Variants in PLEKHM1 observed in about 807,000 individuals in gnomAD.
PLEKHM1 encodes the protein pleckstrin homology domain-containing family M member 1.
In PLEKHM1, 28 loss-of-function variants were observed where a neutral mutation model predicts 94.3. That is an observed-to-expected ratio of 0.30 (90% CI 0.22 to 0.41). PLEKHM1 has a LOEUF of 0.41. Ranked by LOEUF, PLEKHM1 falls within the 10% of genes least tolerant of loss-of-function variation. The pLI is 1.00. For missense variants in PLEKHM1, 907 were observed against 1,358.6 expected (o/e 0.67, Z 5.22); for synonymous variants, 424 against 581.2 (o/e 0.73, Z 3.89).
In PLEKHM1 at chr17:45,437,363, T is replaced by C. The variant is rs555039577; in HGVS notation, c.*495A>G. 13 of 454,236 alleles carry C rather than the reference T, an allele frequency of 2.9e-5. No individual in the cohort carries two copies. The highest frequency in any genetic ancestry group is 2.4e-4 in the African/African-American group (12 of 50,148). 28.1% of individuals were successfully genotyped at this position (454,236 alleles called of 1,614,324 possible). A position where few individuals can be genotyped will look rare whatever the true frequency, so the allele number is the denominator to read the frequency against. On this transcript the variant is annotated 3_prime_UTR_variant, in exon 12 of 12. Coordinates refer to ENST00000430334, the MANE Select transcript of PLEKHM1 (RefSeq NM_014798.3). This position sits in a 1 kb window ranked among gnomAD's most constrained non-coding sequence, Gnocchi z 4.0. ...TACCTCTAAGCCAGGCCTGAGTGGCTCCTGTGCATCCGCTGGGGGTGAGAA... is the reference window on the plus strand; with the variant it reads ...TACCTCTAAGCCAGGCCTGAGTGGCCCCTGTGCATCCGCTGGGGGTGAGAA...
intron 9 of PLEKHM1, among the ~76,000 whole-genome samples, chr17:45,441,689 GGAGAGGGCGCTGACCCAGGGGT>G (rs2050452665): frequency 6.6e-6 from 1 of 152,192 alleles, no homozygotes; most frequent in Admixed American, 6.5e-5. Flanking sequence ...AGGCCAGAGG[GGAGAGGGCGCTGACCCAGGGGT>G]GAGAGGCCAC....
In PLEKHM1 at chr17:45,458,325, G is replaced by A. The variant is rs554125896; in HGVS notation, c.1423C>T (p.Pro475Ser). ...ASYRGTPGSR[P>S]GLHRHFSQEP... is the part of the protein sequence containing the mutation. ...TGAGAAAAATGCCTGTGGAGACCAGGCCTTGACCCTGGAGTCCCCCTGTAA... is the reference window on the plus strand; with the variant it reads ...TGAGAAAAATGCCTGTGGAGACCAGACCTTGACCCTGGAGTCCCCCTGTAA... Residue 475 changes from proline to serine, a missense_variant, in exon 6 of 12, where the codon CCT (proline) becomes TCT (serine). By Grantham distance (74) the Pro-to-Ser change is moderately conservative. Around this residue, in one of 3 missense-constraint regions of PLEKHM1, gnomAD observed 477 missense variants for 601.5 expected, o/e 0.79. Transcript: ENST00000430334. The A allele has an allele frequency of 6.2e-7, 1 of 1,613,898 alleles. No individual in the cohort carries two copies. The highest frequency in any genetic ancestry group is 1.3e-5 in the African/African-American group (1 of 75,044).
chr17:45,460,916 G>A (rs1350580367), intron 5 of PLEKHM1, among the ~76,000 whole-genome samples: 6 of 151,894 alleles, frequency 4.0e-5, no homozygotes, highest in African/African-American at 1.2e-4. Context: ...ACAGAGTCTT[G>A]CTCTGTCGCC....
At chr17:45,490,116 G>T (rs1237454102) in intron 1 of PLEKHM1, among the ~76,000 whole-genome samples, 2 of 152,116 alleles carry the variant, frequency 1.3e-5, no homozygotes, top group Non-Finnish European at 2.9e-5. Flanking sequence ...ACCTACTTTG[G>T]GGGTGGGTCT....
chr17:45,461,894 C>G (rs1245775946), intron 5 of PLEKHM1, among the ~76,000 whole-genome samples: 4 of 152,142 alleles, frequency 2.6e-5, no homozygotes, highest in Non-Finnish European at 2.9e-5. Flanking sequence ...TTCAAGTCCT[C>G]CCTGGCATTC....
chr17:45,473,967 A>C (rs1262480055), intron 4 of PLEKHM1, among the ~76,000 whole-genome samples: 5 of 152,154 alleles, frequency 3.3e-5, no homozygotes, highest in African/African-American at 1.2e-4. Context: ...TAGAGGGAGA[A>C]CAGGAATGGG....
intron 4 of PLEKHM1, among the ~76,000 whole-genome samples, chr17:45,473,227 C>A (rs2051574299): frequency 6.6e-6 from 1 of 152,032 alleles, no homozygotes; most frequent in Non-Finnish European, 1.5e-5. Flanking sequence ...GCCCCAGCAC[C>A]CATTAAATAC....
At chr17:45,488,631 C>G (rs563017137) in intron 1 of PLEKHM1, among the ~76,000 whole-genome samples, 4 of 152,038 alleles carry the variant, frequency 2.6e-5, no homozygotes, top group African/African-American at 9.7e-5. Flanking sequence ...AGACAGTGTT[C>G]TTTGGGGCTC....
chr17:45,446,430 C>T (rs1319960174), intron 8 of PLEKHM1, among the ~76,000 whole-genome samples: 4 of 152,174 alleles, frequency 2.6e-5, no homozygotes, highest in African/African-American at 9.7e-5. Flanking sequence ...TACAACCTGC[C>T]TGCAGAACCT....
intron 1 of PLEKHM1, among the ~76,000 whole-genome samples, chr17:45,488,455 T>G (rs2052198756): frequency 6.6e-6 from 1 of 152,100 alleles, no homozygotes; most frequent in Non-Finnish European, 1.5e-5. Flanking sequence ...TGTGGGAAGT[T>G]GGGGTATACA....
intron 4 of PLEKHM1, among the ~76,000 whole-genome samples, chr17:45,470,689 C>T (rs1293353880): frequency 2.0e-5 from 3 of 150,550 alleles, no homozygotes; most frequent in East Asian, 2.0e-4. Context: ...GACTGAGTCT[C>T]ACTCTGTCGC....
In PLEKHM1 at chr17:45,458,292, T is replaced by G. The variant is rs1256484983; in HGVS notation, c.1456A>C (p.Arg486=). 9.3e-6 allele frequency: 15 copies of G among 1,612,972 alleles called. No individual in the cohort carries two copies. Among genetic ancestry groups the G allele is most frequent in the Non-Finnish European group, 1.0e-5 (12 of 1,179,414 alleles). ...AACGCCCCCAGGGAGCAGTTTTTTC[T>G]TGGTTCTTGAGAAAAATGCCTGTGG... ...GLHRHFSQEP[R]KNCSLGALDQ... is the part of the protein sequence containing the mutation. Residue 486 remains arginine (R), a synonymous_variant, in exon 6 of 12, where the codon AGA becomes CGA. Transcript: ENST00000430334.
At chr17:45,467,904 G>A (rs1223602390) in intron 5 of PLEKHM1, among the ~76,000 whole-genome samples, 2 of 152,210 alleles carry the variant, frequency 1.3e-5, no homozygotes, top group African/African-American at 2.4e-5. Flanking sequence ...CTGAGACTGC[G>A]GTCAGACAAG....
At chr17:45,449,643 C>T (rs1243300184) in intron 8 of PLEKHM1, among the ~76,000 whole-genome samples, 1 of 151,334 alleles carries the variant, frequency 6.6e-6, no homozygotes, top group East Asian at 1.9e-4. Flanking sequence ...CCTACCTACC[C>T]ATCCACCTAA....
downstream of PLEKHM1, among the ~76,000 whole-genome samples, chr17:45,435,271 C>T (rs949683719): frequency 1.2e-4 from 19 of 152,194 alleles, no homozygotes; most frequent in African/African-American, 4.6e-4. Flanking sequence ...TGTCTGTTTC[C>T]ATCCCATTTT....
chr17:45,443,243 C>T (rs371312749), intron 9 of PLEKHM1, among the ~76,000 whole-genome samples: 1 of 151,994 alleles, frequency 6.6e-6, no homozygotes, highest in South Asian at 2.1e-4. Context: ...GATCAGGTGC[C>T]CTCAGGGCAC....
rs2050827579 is a variant in PLEKHM1 at position 45,453,300 on chromosome 17, G to A, written c.2497+55C>T. ...GGTGGGGAGCCTAAATCAGGAACCA[G>A]CAGGAGGTGGAGTGAGGCTGGCAGG... On this transcript the variant is annotated intron_variant, in intron 7 of 11. Coordinates refer to ENST00000430334, the MANE Select transcript of PLEKHM1 (RefSeq NM_014798.3). This position sits in a 1 kb window ranked among gnomAD's most constrained non-coding sequence, Gnocchi z 4.1. 2 of 1,574,704 alleles carry A rather than the reference G, an allele frequency of 1.3e-6. No homozygotes were observed. Among genetic ancestry groups the A allele is most frequent in the African/African-American group, 2.7e-5 (2 of 73,732 alleles).
intron 4 of PLEKHM1, among the ~76,000 whole-genome samples, chr17:45,474,516 T>A (rs1665518822): frequency 6.6e-6 from 1 of 152,216 alleles, no homozygotes; most frequent in African/African-American, 2.4e-5. Context: ...CAGGAGGTAT[T>A]CTGTGAAGTC....
At chr17:45,446,804 G>A (rs1024365368) in intron 8 of PLEKHM1, among the ~76,000 whole-genome samples, 2 of 151,834 alleles carry the variant, frequency 1.3e-5, no homozygotes, top group African/African-American at 4.8e-5. Context: ...GTCTGGCTTC[G>A]GAGTCAGAAT....
Sources: allele counts gnomAD v4.1 joint callset (sites outside exome capture counted in the v4.1 genomes callset), GRCh38; gene constraint gnomAD v4.1.1; regional missense constraint gnomAD v4.1.1; non-coding constraint Gnocchi (gnomAD v3.1); transcripts MANE v1.5; gene names NCBI Gene and HGNC (gene_info 2026-07-23, HGNC 2026-07-21).